PDE11A: variants seen among roughly 807,000 people sequenced by gnomAD.
PDE11A encodes the protein phosphodiesterase 11A.
PDE11A carries 100 observed loss-of-function variants against 100.5 expected under a neutral mutation model. The observed-to-expected ratio is 1.00, with a 90% confidence interval of 0.85 to 1.18. PDE11A has a LOEUF of 1.18. Ranked by LOEUF, PDE11A falls within the 50% of genes most tolerant of loss-of-function variation. The pLI is 0.00. For synonymous variants in PDE11A, 381 were observed against 420.8 expected (o/e 0.91, Z 1.16); for missense variants, 1,141 against 1,152.6 (o/e 0.99, Z 0.15).
chr2:177,979,620 T>TTTTTTTTTTC (rs1346210753), intron 2 of PDE11A, among the ~76,000 whole-genome samples: 1 of 139,524 alleles, frequency 7.2e-6, no homozygotes, highest in East Asian at 2.0e-4. Context: ...TCTTTTTTTT[T>TTTTTTTTTTC]TTTTTTTTGA....
chr2:177,997,285 G>T, intron 2 of PDE11A: 3 of 1,059,704 alleles, frequency 2.8e-6, no homozygotes, highest in East Asian at 2.4e-5. Flanking sequence ...AATTAAAGTT[G>T]CCCAAATTGC....
Position 177,753,709 on chromosome 2 carries a change from T to G in PDE11A, c.1788+15614A>C, listed in dbSNP as rs1411754623. 3.3e-5 allele frequency among the ~76,000 whole-genome samples: 5 copies of G among 151,598 alleles called. No individual in the cohort carries two copies. In the Admixed American group the frequency reaches 3.3e-4, roughly 10 times the overall value. On this transcript the variant is annotated intron_variant, in intron 10 of 19. Coordinates refer to ENST00000286063, the MANE Select transcript of PDE11A (RefSeq NM_016953.4). ...AGGCTTGCTTCCACACCAAAAGCCC[T>G]AATTCACTTTCCACGGAGGCCCTCC...
In PDE11A at chr2:178,018,196, G is replaced by C. The variant is rs183202476; in HGVS notation, c.913-3736C>G. Reference sequence around the variant, plus strand: ...GGCTGCGTCTGTCCACTGGACTGGTGACGGGGTTGTCAGTGTTTAGCTCCT... The same window carrying C: ...GGCTGCGTCTGTCCACTGGACTGGTCACGGGGTTGTCAGTGTTTAGCTCCT... On this transcript the variant is annotated intron_variant, in intron 1 of 19. Transcript: ENST00000286063. The C allele has an allele frequency of 8.1e-6, 3 of 368,222 alleles. No homozygotes were observed. The East Asian group carries it at 2.0e-4, about 24-fold the overall frequency. The allele number at this position is 368,222 out of a possible 1,614,324, so 22.8% of individuals were successfully genotyped here.
At chr2:177,982,677 G>A (rs1390567005) in intron 2 of PDE11A, among the ~76,000 whole-genome samples, 1 of 150,750 alleles carries the variant, frequency 6.6e-6, no homozygotes, top group Admixed American at 6.6e-5. Flanking sequence ...TTAACAAGAT[G>A]ATATTTAAGG....
intron 1 of PDE11A, chr2:178,018,335 C>A: frequency 3.6e-6 from 1 of 280,524 alleles, no homozygotes; most frequent in Non-Finnish European, 6.9e-6. Context: ...TATGTCTATG[C>A]AGACGCATCA....
chr2:178,103,149 T>TTTG (rs1227413076), intron 2 of PDE11A, among the ~76,000 whole-genome samples: 15 of 150,856 alleles, frequency 9.9e-5, no homozygotes, highest in African/African-American at 2.9e-4. Context: ...TTGTTGTAAT[T>TTTG]TTGTTGTTGT....
chr2:177,669,940 T>G (rs898357661), intron 17 of PDE11A, among the ~76,000 whole-genome samples: 1 of 152,248 alleles, frequency 6.6e-6, no homozygotes, highest in Non-Finnish European at 1.5e-5. Context: ...TATGTAATGA[T>G]AGTTTAGCCA....
intron 5 of PDE11A, among the ~76,000 whole-genome samples, chr2:177,854,762 T>C (rs185269838): frequency 3.0e-4 from 45 of 152,276 alleles, no homozygotes; most frequent in African/African-American, 1.1e-3. Flanking sequence ...AGAATTCAAC[T>C]TCTGGCACCA....
chr2:177,701,894 T>C (rs1414429406), intron 13 of PDE11A, among the ~76,000 whole-genome samples: 1 of 152,226 alleles, frequency 6.6e-6, no homozygotes, highest in Non-Finnish European at 1.5e-5. Context: ...TTCCTCCAAG[T>C]AGTAGCTTTG....
intron 15 of PDE11A, chr2:177,683,230 T>C (rs915194772): frequency 6.6e-6 from 1 of 152,146 alleles, no homozygotes; most frequent in African/African-American, 2.4e-5. Flanking sequence ...ATCTATCCTT[T>C]CAAGATGATG....
chr2:177,681,945 T>C (rs1003612116), intron 15 of PDE11A, among the ~76,000 whole-genome samples: 1 of 152,260 alleles, frequency 6.6e-6, no homozygotes, highest in Non-Finnish European at 1.5e-5. Context: ...GCTGTCTCTT[T>C]TGGAGAAAAT....
chr2:177,934,815 T>A (rs147422368), intron 2 of PDE11A, among the ~76,000 whole-genome samples: 258 of 152,172 alleles, frequency 1.7e-3, no homozygotes, highest in African/African-American at 5.9e-3. Context: ...TAAAAGAGGG[T>A]GAGGGCATGT....
At chr2:177,706,174 G>A (rs1229964786) in intron 13 of PDE11A, among the ~76,000 whole-genome samples, 1 of 152,138 alleles carries the variant, frequency 6.6e-6, no homozygotes, top group Non-Finnish European at 1.5e-5. Context: ...GTGCTCTAAC[G>A]AAAGCCACAC....
intron 2 of PDE11A, among the ~76,000 whole-genome samples, chr2:177,942,653 C>T (rs750400890): frequency 3.3e-5 from 5 of 152,092 alleles, no homozygotes; most frequent in African/African-American, 9.7e-5. Context: ...CCACCCGCCT[C>T]GGCCTCTCAA....
intron 2 of PDE11A, among the ~76,000 whole-genome samples, chr2:177,946,479 G>C (rs1361539836): frequency 5.0e-3 from 7 of 1,396 alleles, no homozygotes; most frequent in Admixed American, 9.5e-3. Context: ...CCCCCGCCCG[G>C]CCAGCCGCCC....
At chr2:177,985,775 C>A (rs1369047954) in intron 2 of PDE11A, among the ~76,000 whole-genome samples, 1 of 152,052 alleles carries the variant, frequency 6.6e-6, no homozygotes, top group South Asian at 2.1e-4. Context: ...TGATACAGTA[C>A]AAAGACAAAA....
At chr2:177,799,842 C>A (rs2082761026) in intron 9 of PDE11A, among the ~76,000 whole-genome samples, 1 of 152,134 alleles carries the variant, frequency 6.6e-6, no homozygotes, top group African/African-American at 2.4e-5. Context: ...TGAATGGTAG[C>A]TGTTTTTGAA....
intron 16 of PDE11A, among the ~76,000 whole-genome samples, 189 bp downstream of exon 16, chr2:177,680,637 A>C (rs2105505566): frequency 6.6e-6 from 1 of 152,318 alleles, no homozygotes; most frequent in South Asian, 2.1e-4. Context: ...TGAGACAAAA[A>C]TAAATTATAA....
intron 2 of PDE11A, among the ~76,000 whole-genome samples, chr2:178,095,469 C>T (rs1388328460): frequency 1.3e-5 from 2 of 152,210 alleles, no homozygotes; most frequent in Admixed American, 1.3e-4. Flanking sequence ...TTGCAGGGTA[C>T]AGCCCTGCTC....
Sources: gnomAD v4.1 joint callset for allele counts (sites outside exome capture counted in the v4.1 genomes callset) on GRCh38, gnomAD v4.1.1 for gene constraint, MANE v1.5 for transcripts, NCBI Gene and HGNC (gene_info 2026-07-23, HGNC 2026-07-21) for gene names.